Variants in LRRC49 observed in about 807,000 individuals in gnomAD.
The protein encoded by LRRC49 is leucine-rich repeat-containing protein 49.
In LRRC49, 50 loss-of-function variants were observed where a neutral mutation model predicts 83.3. That is an observed-to-expected ratio of 0.60 (90% CI 0.48 to 0.76). The LOEUF is 0.76. Ranked by LOEUF, LRRC49 falls within the 30% of genes least tolerant of loss-of-function variation. The pLI, the probability that LRRC49 is intolerant of heterozygous loss-of-function variation, is 0.00. For missense variants in LRRC49, 704 were observed against 809.1 expected, an observed-to-expected ratio of 0.87 and a Z score of 1.58; for synonymous variants, 286 against 283.3, an observed-to-expected ratio of 1.01 and a Z score of -0.10.
chr15:70,909,311 A>T (rs941645956), intron 5 of LRRC49, among the ~76,000 whole-genome samples: 1 of 152,232 alleles, frequency 6.6e-6, no homozygotes, highest in Non-Finnish European at 1.5e-5. Context: ...AGAGGAACTC[A>T]TAAATAGTCA....
At chr15:71,028,806 T>C (rs2039256094) in intron 14 of LRRC49, among the ~76,000 whole-genome samples, 1 of 152,162 alleles carries the variant, frequency 6.6e-6, no homozygotes. Context: ...TTTATCATTT[T>C]TTATTGTGTC....
At chr15:71,037,397 G>A (rs1000378704) in intron 15 of LRRC49, 65 bp downstream of exon 15, 4 of 1,350,984 alleles carry the variant, frequency 3.0e-6, no homozygotes, top group Non-Finnish European at 3.0e-6. Context: ...TGGAATTTGG[G>A]GGTTGTACAT....
intron 11 of LRRC49, among the ~76,000 whole-genome samples, chr15:70,990,942 G>C (rs2037856495): frequency 6.6e-6 from 1 of 152,192 alleles, no homozygotes; most frequent in African/African-American, 2.4e-5. Context: ...ACTCCAAGTT[G>C]GTAGGTAGTT....
At chr15:70,868,492 A>G (rs1271078637) in intron 1 of LRRC49, among the ~76,000 whole-genome samples, 1 of 152,176 alleles carries the variant, frequency 6.6e-6, no homozygotes, top group East Asian at 1.9e-4. Context: ...CTTAGGCAGA[A>G]CTCTTCAATG....
intron 7 of LRRC49, among the ~76,000 whole-genome samples, chr15:70,928,625 T>G (rs1265775741): frequency 6.6e-6 from 1 of 152,078 alleles, no homozygotes; most frequent in Non-Finnish European, 1.5e-5. Flanking sequence ...TGGAGTGCAA[T>G]TGCAGTCTTG....
At chr15:70,947,646 A>G (rs1436413238) in intron 8 of LRRC49, among the ~76,000 whole-genome samples, 1 of 152,216 alleles carries the variant, frequency 6.6e-6, no homozygotes, top group Non-Finnish European at 1.5e-5. Context: ...AACCAGCAGT[A>G]TTAGCATCAC....
intron 6 of LRRC49, among the ~76,000 whole-genome samples, chr15:70,915,012 TTTC>T (rs2034706306): frequency 2.6e-5 from 4 of 152,336 alleles, no homozygotes; most frequent in Admixed American, 2.6e-4. Context: ...ATAAATGGGC[TTTC>T]CAACATTCCC....
chr15:71,009,623 G>A, intron 12 of LRRC49, 184 bp from the exon 13 acceptor site: 1 of 469,364 alleles, frequency 2.1e-6, no homozygotes, highest in East Asian at 3.3e-5. Context: ...CATCAATGGT[G>A]CATTGGATGA....
chr15:71,013,151 T>C (rs756233949), intron 14 of LRRC49, among the ~76,000 whole-genome samples: 1 of 152,154 alleles, frequency 6.6e-6, no homozygotes, highest in Non-Finnish European at 1.5e-5. Flanking sequence ...TTTCAGGTGC[T>C]ATAAGGGAGG....
At chr15:71,041,880 G>A (rs1021219135) in intron 15 of LRRC49, among the ~76,000 whole-genome samples, 3 of 152,106 alleles carry the variant, frequency 2.0e-5, no homozygotes, top group African/African-American at 2.4e-5. Context: ...AATTAAAACA[G>A]GGTGGTTGTA....
chr15:70,993,365 G>A (rs961851964), intron 11 of LRRC49, among the ~76,000 whole-genome samples: 17 of 152,088 alleles, frequency 1.1e-4, no homozygotes, highest in South Asian at 4.1e-4. Context: ...TTTGGCTCAC[G>A]CTTGGTGGGC....
At chr15:70,943,750 T>C in intron 8 of LRRC49, among the ~76,000 whole-genome samples, 1 of 152,256 alleles carries the variant, frequency 6.6e-6, no homozygotes, top group East Asian at 1.9e-4. Flanking sequence ...GTGAAGCCAC[T>C]AATTATCAGT....
intron 11 of LRRC49, among the ~76,000 whole-genome samples, chr15:70,999,380 CTG>C (rs1171447061): frequency 6.6e-6 from 1 of 152,016 alleles, no homozygotes; most frequent in East Asian, 1.9e-4. Context: ...TCTGTGAAGA[CTG>C]TATTATTTAG....
exon 1 of LRRC49, chr15:70,853,418 C>G (rs922057968): frequency 6.5e-6 from 1 of 153,016 alleles, no homozygotes; most frequent in Non-Finnish European, 1.5e-5. Context: ...CACCTAAAGA[C>G]TGAGCGCAGC....
chr15:70,880,241 C>G (rs1354376921), intron 2 of LRRC49, among the ~76,000 whole-genome samples: 1 of 152,212 alleles, frequency 6.6e-6, no homozygotes, highest in African/African-American at 2.4e-5. Flanking sequence ...CAACAAACCT[C>G]TCCCCCCACC....
chr15:70,979,368 G>A (rs2037319025), intron 9 of LRRC49, among the ~76,000 whole-genome samples: 2 of 151,776 alleles, frequency 1.3e-5, no homozygotes, highest in South Asian at 4.2e-4. Flanking sequence ...ATAAAATTAA[G>A]GTGTACAGTG....
intron 8 of LRRC49, among the ~76,000 whole-genome samples, chr15:70,944,453 G>A (rs922380218): frequency 1.3e-5 from 2 of 151,994 alleles, no homozygotes; most frequent in Non-Finnish European, 1.5e-5. Flanking sequence ...CGCCCAGGCT[G>A]TAGTGCACTG....
chr15:70,990,575 C>T (rs537447537), intron 11 of LRRC49, among the ~76,000 whole-genome samples: 3 of 152,228 alleles, frequency 2.0e-5, no homozygotes, highest in Non-Finnish European at 4.4e-5. Flanking sequence ...CTCCCTGACC[C>T]CTTGCACTTC....
In LRRC49 at chr15:70,954,019, C is replaced by T. The variant is rs886771627; in HGVS notation, c.774-9766C>T. Among the ~76,000 whole-genome samples the T allele has an allele frequency of 5.9e-5, 9 of 151,972 alleles. No homozygotes were observed. In the East Asian group the frequency reaches 9.7e-4, roughly 16 times the overall value. Reference sequence around the variant, plus strand: ...AAGCGATTCTCCAGCCTCAGTCTCCCGAGTACTTGACTCTACAAGCATGTG... The same window carrying T: ...AAGCGATTCTCCAGCCTCAGTCTCCTGAGTACTTGACTCTACAAGCATGTG... On this transcript the variant is annotated intron_variant, in intron 8 of 15. Coordinates refer to ENST00000260382, the MANE Select transcript of LRRC49 (RefSeq NM_017691.5).
Sources: gnomAD v4.1 joint callset for allele counts (sites outside exome capture counted in the v4.1 genomes callset) on GRCh38, gnomAD v4.1.1 for gene constraint, MANE v1.5 for transcripts, NCBI Gene and HGNC (gene_info 2026-07-23, HGNC 2026-07-21) for gene names.